The following MAST4 variants were observed in gnomAD, a reference collection of about 807,000 sequenced individuals.
MAST4 encodes microtubule associated serine/threonine kinase family member 4.
In MAST4, 89 loss-of-function variants were observed where a neutral mutation model predicts 162.7. The ratio of observed to expected loss-of-function variants is 0.55; its 90% confidence interval spans 0.46 to 0.65. MAST4 has a LOEUF of 0.65. Among genes scored for constraint, MAST4 ranks in the 30% least tolerant of loss-of-function variants. The probability of loss-of-function intolerance (pLI) is 0.00; values close to 1 mark genes in which losing one functional copy is unlikely to be tolerated. For synonymous variants in MAST4, 1,479 were observed against 1,361.1 expected (o/e 1.09, Z -1.91); for missense variants, 3,153 against 3,374.0 (o/e 0.93, Z 1.62).
chr5:66,842,290 C>A (rs1758481711), intron 3 of MAST4, among the ~76,000 whole-genome samples: 1 of 152,128 alleles, frequency 6.6e-6, no homozygotes, highest in Non-Finnish European at 1.5e-5. Context: ...TCATGTATAG[C>A]ATGTCTCTAT....
chr5:66,901,534 GAAT>G (rs1224344995), intron 4 of MAST4, among the ~76,000 whole-genome samples: 2 of 152,016 alleles, frequency 1.3e-5, no homozygotes, highest in Non-Finnish European at 2.9e-5. Context: ...AGTGAAAAAA[GAAT>G]AATGACATAA....
chr5:67,025,019 A>G (rs1754469405), intron 4 of MAST4, among the ~76,000 whole-genome samples: 1 of 152,104 alleles, frequency 6.6e-6, no homozygotes, highest in African/African-American at 2.4e-5. Context: ...TTCTGCCACT[A>G]ACTAGTTGTG....
chr5:66,845,555 A>G (rs1758794565), intron 3 of MAST4, among the ~76,000 whole-genome samples: 1 of 152,160 alleles, frequency 6.6e-6, no homozygotes, highest in Non-Finnish European at 1.5e-5. Flanking sequence ...TGCTATTGTG[A>G]ATAGTGCCAC....
chr5:67,078,933 TA>T (rs1430023710), intron 5 of MAST4, among the ~76,000 whole-genome samples: 1 of 97,188 alleles, frequency 1.0e-5, no homozygotes, highest in Non-Finnish European at 1.9e-5. Flanking sequence ...TATATATATA[TA>T]TATATATATA....
At chr5:66,879,228 G>A (rs554517001) in intron 3 of MAST4, among the ~76,000 whole-genome samples, 52 of 152,124 alleles carry the variant, frequency 3.4e-4, no homozygotes, top group Non-Finnish European at 6.0e-4. Flanking sequence ...GCAGTGAGCC[G>A]AGATTGCGCT....
At chr5:67,079,946 G>C (rs999988288) in intron 5 of MAST4, among the ~76,000 whole-genome samples, 3 of 152,178 alleles carry the variant, frequency 2.0e-5, no homozygotes, top group Non-Finnish European at 4.4e-5. Flanking sequence ...AGGCTACCAG[G>C]GGTCTGCAAA....
chr5:66,889,152 A>G (rs1306772109), intron 3 of MAST4, among the ~76,000 whole-genome samples: 2 of 152,224 alleles, frequency 1.3e-5, no homozygotes, highest in Non-Finnish European at 2.9e-5. Context: ...TGTGCAGATC[A>G]ATACTTCGAA....
At chr5:66,970,997 A>G (rs144394799) in intron 4 of MAST4, among the ~76,000 whole-genome samples, 2 of 152,120 alleles carry the variant, frequency 1.3e-5, no homozygotes, top group African/African-American at 4.8e-5. Flanking sequence ...CCTCTTCCCA[A>G]TGTCTAGAAA....
rs1442085436 is a variant in MAST4 at position 67,155,935 on chromosome 5, C to T, written c.3648+2355C>T. On this transcript the variant is annotated intron_variant, in intron 26 of 28. Coordinates refer to ENST00000403625, the MANE Select transcript of MAST4 (RefSeq NM_001164664.2). The stretch of plus-strand genomic sequence containing the variant: ...ATTAGCTGGGCGTGGTGGTGGGCGC[C>T]TGTAATCCCAGCTACTCAGGAGGCT... Among the ~76,000 whole-genome samples, 3 of 152,072 alleles carry T rather than the reference C, an allele frequency of 2.0e-5. No homozygotes were observed. The East Asian group carries it at 5.8e-4, about 29-fold the overall frequency.
chr5:66,881,398 T>C (rs984543188), intron 3 of MAST4, among the ~76,000 whole-genome samples: 7 of 152,234 alleles, frequency 4.6e-5, no homozygotes, highest in African/African-American at 1.7e-4. Context: ...ACTTGAATAT[T>C]GTGACCAAAA....
intron 14 of MAST4, among the ~76,000 whole-genome samples, chr5:67,128,992 GAC>G (rs893275799): frequency 5.9e-5 from 9 of 152,266 alleles, no homozygotes; most frequent in African/African-American, 2.2e-4. Flanking sequence ...GAGCTGTTAA[GAC>G]TCCTTCTGAT....
At chr5:67,106,219 C>G (rs1355899559) in intron 10 of MAST4, among the ~76,000 whole-genome samples, 1 of 152,004 alleles carries the variant, frequency 6.6e-6, no homozygotes, top group Non-Finnish European at 1.5e-5. Flanking sequence ...GATTAGAGAC[C>G]TATAGACTCT....
intron 4 of MAST4, among the ~76,000 whole-genome samples, chr5:66,966,894 G>A (rs1358464226): frequency 2.6e-5 from 4 of 152,186 alleles, no homozygotes; most frequent in African/African-American, 9.7e-5. Context: ...CAGAGTTGGT[G>A]AGGGAGGAAA....
chr5:66,789,143 A>G (rs1040223309), intron 3 of MAST4, among the ~76,000 whole-genome samples: 2 of 152,190 alleles, frequency 1.3e-5, no homozygotes, highest in Non-Finnish European at 2.9e-5. Flanking sequence ...AGATCTGACT[A>G]ACACCTTGCC....
At chr5:67,078,717 ATAT>A (rs1295887269) in intron 5 of MAST4, among the ~76,000 whole-genome samples, 4 of 113,556 alleles carry the variant, frequency 3.5e-5, no homozygotes, top group Non-Finnish European at 6.8e-5. Flanking sequence ...ATATTTATTT[ATAT>A]TATATTTATA....
chr5:66,776,673 G>C (rs1754616090), intron 2 of MAST4, among the ~76,000 whole-genome samples: 1 of 152,142 alleles, frequency 6.6e-6, no homozygotes, highest in South Asian at 2.1e-4. Context: ...ATAAATGAGA[G>C]ACAGATGGAA....
chr5:67,044,972 T>G (rs1483105039), intron 4 of MAST4, among the ~76,000 whole-genome samples: 1 of 152,194 alleles, frequency 6.6e-6, no homozygotes, highest in East Asian at 1.9e-4. Flanking sequence ...CGTCAGCTCT[T>G]TGTGTTTTCT....
intron 1 of MAST4, among the ~76,000 whole-genome samples, chr5:66,610,628 G>T (rs1743228242): frequency 6.6e-6 from 1 of 152,204 alleles, no homozygotes. Flanking sequence ...GCTGAAGGCA[G>T]GTCTGTCTTC....
chr5:66,845,528 G>T (rs1452151508), intron 3 of MAST4, among the ~76,000 whole-genome samples: 1 of 152,000 alleles, frequency 6.6e-6, no homozygotes, highest in East Asian at 1.9e-4. Context: ...TGGACATTTG[G>T]GTTGGTTCCA....
Sources: allele counts gnomAD v4.1 joint callset (sites outside exome capture counted in the v4.1 genomes callset), GRCh38; gene constraint gnomAD v4.1.1; transcripts MANE v1.5; gene names NCBI Gene and HGNC (gene_info 2026-07-23, HGNC 2026-07-21).